ARK2C: variants seen among roughly 807,000 people sequenced by gnomAD.
The protein encoded by ARK2C is E3 ubiquitin-protein ligase ARK2C.
At chr18:46,411,872 T>C in the ARK2C span, among the ~76,000 whole-genome samples, 2 of 152,182 alleles carry the variant, frequency 1.3e-5, no homozygotes, top group Non-Finnish European at 2.9e-5. Flanking sequence ...CCTGGTCCCT[T>C]TCTCCTGAAC....
the ARK2C span, chr18:46,450,192 C>T: frequency 2.6e-6 from 2 of 764,232 alleles, no homozygotes; most frequent in Non-Finnish European, 4.8e-6. Flanking sequence ...CTGCCCACAG[C>T]ATCTCAGGGT....
the ARK2C span, among the ~76,000 whole-genome samples, chr18:46,356,793 C>T: frequency 7.2e-5 from 11 of 152,222 alleles, no homozygotes; most frequent in Non-Finnish European, 1.5e-4. Flanking sequence ...CTCCCCGCAG[C>T]TTCCTGCCTC....
At chr18:46,412,751 G>T in the ARK2C span, among the ~76,000 whole-genome samples, 1 of 152,092 alleles carries the variant, frequency 6.6e-6, no homozygotes, top group African/African-American at 2.4e-5. Flanking sequence ...AGGCCGCCTC[G>T]GGCAGGTACG....
chr18:46,335,789 C>G, the ARK2C span: 1 of 582,506 alleles, frequency 1.7e-6, no homozygotes, highest in African/African-American at 2.0e-5. Context: ...AAAAGGCAAG[C>G]TTGGCCCCCT....
the ARK2C span, among the ~76,000 whole-genome samples, chr18:46,349,378 C>G: frequency 2.6e-5 from 4 of 152,176 alleles, no homozygotes; most frequent in Non-Finnish European, 5.9e-5. Context: ...TCTGGGGCCT[C>G]TTTTATAACG....
At chr18:46,341,671 A>G in the ARK2C span, among the ~76,000 whole-genome samples, 1 of 152,026 alleles carries the variant, frequency 6.6e-6, no homozygotes, top group Non-Finnish European at 1.5e-5. Flanking sequence ...AATTCCTCAT[A>G]CTCACATGAC....
chr18:46,433,633 C>A, the ARK2C span: 2 of 785,504 alleles, frequency 2.5e-6, no homozygotes, highest in Non-Finnish European at 3.9e-6. Flanking sequence ...GGGCTACAGG[C>A]TCCTAGACTC....
At chr18:46,367,684 C>G in the ARK2C span, among the ~76,000 whole-genome samples, 1 of 152,296 alleles carries the variant, frequency 6.6e-6, no homozygotes, top group South Asian at 2.1e-4. Flanking sequence ...GCAAGTTACT[C>G]TACCAAACTG....
chr18:46,335,437 G>C, the ARK2C span: 1 of 151,954 alleles, frequency 6.6e-6, no homozygotes, highest in African/African-American at 2.4e-5. Context: ...CACCTCCCAA[G>C]CAAATCCGAG....
chr18:46,367,555 T>C, the ARK2C span, among the ~76,000 whole-genome samples: 1 of 152,150 alleles, frequency 6.6e-6, no homozygotes, highest in Non-Finnish European at 1.5e-5. Context: ...ATTGGACCCA[T>C]TGCCTTGTGC....
At chr18:46,435,409 G>T in the ARK2C span, 1 of 1,586,390 alleles carries the variant, frequency 6.3e-7, no homozygotes, top group South Asian at 1.1e-5. Context: ...GAGTCTTCAG[G>T]GCCCCTGGGG....
At chr18:46,427,660 G>A in the ARK2C span, among the ~76,000 whole-genome samples, 13 of 152,328 alleles carry the variant, frequency 8.5e-5, no homozygotes, top group East Asian at 2.3e-3. Flanking sequence ...TTCGAGCCAC[G>A]GAGCTTCCCT....
the ARK2C span, among the ~76,000 whole-genome samples, chr18:46,392,092 C>T: frequency 6.6e-6 from 1 of 151,938 alleles, no homozygotes; most frequent in African/African-American, 2.4e-5. Context: ...AACATACACA[C>T]ACACCACGCA....
chr18:46,367,100 T>A, the ARK2C span, among the ~76,000 whole-genome samples: 1 of 152,192 alleles, frequency 6.6e-6, no homozygotes, highest in Non-Finnish European at 1.5e-5. Flanking sequence ...GTTGGGTGGA[T>A]GAAAGGCTCC....
chr18:46,421,466 C>T, the ARK2C span, among the ~76,000 whole-genome samples: 1 of 152,226 alleles, frequency 6.6e-6, no homozygotes, highest in Non-Finnish European at 1.5e-5. Flanking sequence ...CAGACCTAGG[C>T]TCTGCCTTCA....
At chr18:46,435,467 G>A in the ARK2C span, 1 of 1,215,224 alleles carries the variant, frequency 8.2e-7, no homozygotes, top group East Asian at 2.4e-5. Flanking sequence ...CAGATCTGTG[G>A]AGTTTCTGTT....
At chr18:46,413,806 G>A in the ARK2C span, among the ~76,000 whole-genome samples, 2 of 152,124 alleles carry the variant, frequency 1.3e-5, no homozygotes, top group Non-Finnish European at 2.9e-5. Flanking sequence ...GCAAAAGGAT[G>A]TACATACAGA....
chr18:46,388,923 C>A, the ARK2C span, among the ~76,000 whole-genome samples: 1 of 152,082 alleles, frequency 6.6e-6, no homozygotes, highest in East Asian at 1.9e-4. Context: ...AACATTGAAG[C>A]AATTGCCATG....
chr18:46,361,049 T>C, the ARK2C span, among the ~76,000 whole-genome samples: 1 of 152,236 alleles, frequency 6.6e-6, no homozygotes, highest in East Asian at 1.9e-4. Flanking sequence ...AACCTCTCAG[T>C]GAGCAGCTGG....
Sources: allele counts gnomAD v4.1 joint callset (sites outside exome capture counted in the v4.1 genomes callset), GRCh38; gene constraint gnomAD v4.1.1; transcripts MANE v1.5; gene names NCBI Gene and HGNC (gene_info 2026-07-23, HGNC 2026-07-21).